Variants in PLEKHA1 observed in about 807,000 individuals in gnomAD.
The protein encoded by PLEKHA1 is pleckstrin homology domain containing A1, also known as pleckstrin homology domain-containing family A member 1.
PLEKHA1 carries 34 observed loss-of-function variants against 52.0 expected under a neutral mutation model. The observed-to-expected ratio is 0.65, with a 90% CI of 0.50 to 0.87. The LOEUF is 0.87. Ranked by LOEUF, PLEKHA1 falls within the 40% of genes least tolerant of loss-of-function variation. The pLI, the probability that PLEKHA1 is intolerant of heterozygous loss-of-function variation, is 0.00. For missense variants in PLEKHA1, 497 were observed against 504.2 expected (o/e 0.99, Z 0.14); for synonymous variants, 163 against 170.7 (o/e 0.95, Z 0.35).
intron 1 of PLEKHA1, among the ~76,000 whole-genome samples, chr10:122,392,007 A>G (rs2096782830): frequency 6.6e-6 from 1 of 152,164 alleles, no homozygotes; most frequent in Admixed American, 6.5e-5. Context: ...CATCCTGCCA[A>G]AAGATGTGAT....
chr10:122,403,461 G>A (rs971280029), intron 4 of PLEKHA1, among the ~76,000 whole-genome samples: 1 of 152,054 alleles, frequency 6.6e-6, no homozygotes, highest in Non-Finnish European at 1.5e-5. Context: ...TCCATTTTAT[G>A]TATTCATTCT....
At chr10:122,441,072 G>A in the PLEKHA1 span, 1 of 152,312 alleles carries the variant, frequency 6.6e-6, no homozygotes, top group African/African-American at 2.4e-5. Context: ...CTTGCTAGAA[G>A]TGCAAATTAT....
chr10:122,407,357 T>C (rs973192947), intron 5 of PLEKHA1, among the ~76,000 whole-genome samples: 5 of 152,202 alleles, frequency 3.3e-5, no homozygotes, highest in Admixed American at 1.3e-4. Context: ...ATTTATTGAT[T>C]ATTAACACTG....
downstream of PLEKHA1, chr10:122,432,352 C>T (rs1339445026): frequency 1.3e-5 from 2 of 152,016 alleles, no homozygotes; most frequent in Non-Finnish European, 2.9e-5. Flanking sequence ...TTTATTCTGA[C>T]TTATTTCTCA....
chr10:122,427,580 C>T (rs1226181167), intron 11 of PLEKHA1, among the ~76,000 whole-genome samples: 1 of 152,128 alleles, frequency 6.6e-6, no homozygotes, highest in African/African-American at 2.4e-5. Flanking sequence ...ATTTTAAAAC[C>T]TGCTTTAACA....
At chr10:122,404,927 A>G (rs192031472) in intron 4 of PLEKHA1, among the ~76,000 whole-genome samples, 9 of 152,294 alleles carry the variant, frequency 5.9e-5, no homozygotes, top group Non-Finnish European at 8.8e-5. Flanking sequence ...GTGTGCTAGT[A>G]TATCTTTTAA....
chr10:122,393,138 C>T lies in PLEKHA1; in HGVS notation c.-20-43C>T, dbSNP rs2096799038. 1.4e-6 allele frequency: 2 copies of T among 1,472,426 alleles called. No individual in the cohort carries two copies. The highest frequency in any genetic ancestry group is 1.8e-6 in the Non-Finnish European group (2 of 1,099,890). 91.2% of individuals were successfully genotyped at this position (1,472,426 alleles called of 1,614,324 possible). A position where few individuals can be genotyped will look rare whatever the true frequency, so the allele number is the denominator to read the frequency against. On this transcript the variant is annotated intron_variant, in intron 1 of 11. Transcript: ENST00000368990. This position sits in a 1 kb window ranked among gnomAD's most constrained non-coding sequence, Gnocchi z 4.5. ...ATTTGCAGTCCATGAGAAATACTTT[C>T]CTGTTTCATAGGGAGCTTACTGTTA...
At chr10:122,425,713 CA>C (rs11367637) in intron 10 of PLEKHA1, 46,931 of 99,150 alleles carry the variant, frequency 0.47, 8,056 homozygotes, top group East Asian at 0.67. Context: ...GACCCTGTCT[CA>C]AAAAAAAAAA....
intron 2 of PLEKHA1, among the ~76,000 whole-genome samples, chr10:122,394,839 C>G (rs1345745891): frequency 6.6e-6 from 1 of 152,078 alleles, no homozygotes; most frequent in African/African-American, 2.4e-5. Context: ...ACTTGAAGCT[C>G]CTTGATTATT....
At chr10:122,438,968 C>T in the PLEKHA1 span, 10 of 152,174 alleles carry the variant, frequency 6.6e-5, no homozygotes, top group African/African-American at 1.9e-4. Flanking sequence ...ACATGCGGCC[C>T]GTGGGCTGTG....
intron 3 of PLEKHA1, 66 bp from the exon 4 acceptor site, chr10:122,400,277 A>C: frequency 8.1e-7 from 1 of 1,238,864 alleles, no homozygotes; most frequent in South Asian, 1.5e-5. Context: ...AAGTTTACAT[A>C]GTATATAAGG....
chr10:122,414,683 C>T lies in PLEKHA1; in HGVS notation c.469-1176C>T, dbSNP rs147788259. Reference sequence around the variant, plus strand: ...AAAAGATAAACAGATGGTAAGTAAGCACATGAAAAGATGTTCACCATCATT... The same window carrying T: ...AAAAGATAAACAGATGGTAAGTAAGTACATGAAAAGATGTTCACCATCATT... On this transcript the variant is annotated intron_variant, in intron 6 of 11. Transcript: ENST00000368990. Among the ~76,000 whole-genome samples, 928 of 152,034 alleles carry T rather than the reference C, an allele frequency of 6.1e-3. 8 individuals carry two copies. Among genetic ancestry groups the T allele is most frequent in the African/African-American group, 0.021 (873 of 41,502 alleles).
Position 122,417,984 on chromosome 10 carries a change from A to C in PLEKHA1, c.681+16A>C. ...ATCTGAACTGGTATGTTGTTACGTCATAAATGTTGCTATAAGAATGTTTGA... is the reference window on the plus strand; with the variant it reads ...ATCTGAACTGGTATGTTGTTACGTCCTAAATGTTGCTATAAGAATGTTTGA... On this transcript the variant is annotated intron_variant, in intron 8 of 11. Transcript: ENST00000368990. 1 of 1,586,388 alleles carries C rather than the reference A, an allele frequency of 6.3e-7. No homozygotes were observed. The highest frequency in any genetic ancestry group is 8.7e-7 in the Non-Finnish European group (1 of 1,155,518).
At chr10:122,374,971 G>C (rs921783958) in intron 1 of PLEKHA1, 165 bp downstream of exon 1, 1 of 151,962 alleles carries the variant, frequency 6.6e-6, no homozygotes. Flanking sequence ...GGTGAGTGCG[G>C]AGCCGGCGCC....
chr10:122,397,737 T>C (rs1283210592), intron 2 of PLEKHA1, among the ~76,000 whole-genome samples, 181 bp from the exon 3 acceptor site: 1 of 152,120 alleles, frequency 6.6e-6, no homozygotes, highest in East Asian at 1.9e-4. Context: ...TCAGTTTTGT[T>C]ATCCAAGCTA....
At position 122,393,807 on chromosome 10, in the gene PLEKHA1, A is replaced by G. The variant is rs1260894334; in HGVS notation, c.141+466A>G. 6.6e-6 allele frequency among the ~76,000 whole-genome samples: 1 copy of G among 152,208 alleles called. No homozygotes were observed. The highest frequency in any genetic ancestry group is 6.5e-5 in the Admixed American group (1 of 15,280). On this transcript the variant is annotated intron_variant, in intron 2 of 11. Transcript: ENST00000368990. The surrounding 1 kb of genome is among the most constrained non-coding windows in gnomAD (Gnocchi z 4.5). ...AATTTAGGTTTAAGATGCTGCATCT[A>G]GGATAGAGACTATTATTTTTAAATA...
chr10:122,429,532 T>TGTGTGTG, intron 11 of PLEKHA1, 92 bp from the exon 12 acceptor site: 1 of 967,342 alleles, frequency 1.0e-6, no homozygotes, highest in Non-Finnish European at 1.5e-6. Context: ...GTGTGTGTGT[T>TGTGTGTG]TTATTTGTTT....
At chr10:122,429,227 G>A (rs72832715) in intron 11 of PLEKHA1, among the ~76,000 whole-genome samples, 14,152 of 152,116 alleles carry the variant, frequency 0.093, 780 homozygotes, top group Middle Eastern at 0.17. Context: ...AATTCCTAGT[G>A]TTGACTGAGA....
chr10:122,390,839 T>G (rs12164740), intron 1 of PLEKHA1, among the ~76,000 whole-genome samples: 9,425 of 150,504 alleles, frequency 0.063, 1,023 homozygotes, highest in African/African-American at 0.22. Flanking sequence ...GATCATATGG[T>G]AATTCTATGT....
Sources: gnomAD v4.1 joint callset for allele counts (sites outside exome capture counted in the v4.1 genomes callset) on GRCh38, gnomAD v4.1.1 for gene constraint, Gnocchi (gnomAD v3.1) non-coding constraint, MANE v1.5 for transcripts, NCBI Gene and HGNC (gene_info 2026-07-23, HGNC 2026-07-21) for gene names.